The following COL4A4 variants were observed in gnomAD, a reference collection of about 807,000 sequenced individuals.
The protein encoded by COL4A4 is collagen alpha-4(IV) chain.
Under a neutral mutation model 192.9 loss-of-function variants are expected in COL4A4, and 105 were observed. The observed-to-expected ratio is 0.54, with a 90% CI of 0.46 to 0.64. COL4A4 has a LOEUF of 0.64. Among genes scored for constraint, COL4A4 ranks in the 30% least tolerant of loss-of-function variants. The pLI is 0.00. For missense variants in COL4A4, 1,967 were observed against 2,169.3 expected, an observed-to-expected ratio of 0.91 and a Z score of 1.85; for synonymous variants, 762 against 769.9, an observed-to-expected ratio of 0.99 and a Z score of 0.17.
intron 7 of COL4A4, among the ~76,000 whole-genome samples, chr2:227,116,690 T>G (rs1402397881): frequency 6.6e-6 from 1 of 152,202 alleles, no homozygotes; most frequent in Non-Finnish European, 1.5e-5. Context: ...TTTGAGAGAC[T>G]ATTTGCAGCC....
chr2:227,062,957 A>G (rs538941199), intron 25 of COL4A4, among the ~76,000 whole-genome samples: 10 of 152,270 alleles, frequency 6.6e-5, no homozygotes, highest in Non-Finnish European at 8.8e-5. Context: ...GATCTATTAC[A>G]TGCATATCTA....
chr2:227,147,657 A>C, intron 1 of COL4A4, 73 bp from the exon 2 acceptor site: 1 of 596,842 alleles, frequency 1.7e-6, no homozygotes, highest in Non-Finnish European at 3.0e-6. Flanking sequence ...TTCATTTTTT[A>C]TCGTTATGGA....
At chr2:227,144,276 CTT>C (rs2063402791) in intron 3 of COL4A4, among the ~76,000 whole-genome samples, 1 of 152,122 alleles carries the variant, frequency 6.6e-6, no homozygotes, top group Admixed American at 6.5e-5. Flanking sequence ...CAAAAAAAAA[CTT>C]TTAAAGAAAG....
chr2:227,043,125 G>A lies in COL4A4; in HGVS notation c.3349C>T (p.Pro1117Ser), dbSNP rs1971792084. Residue 1117 changes from proline (P) to serine (S), a missense_variant, in exon 36 of 48, where the codon CCT becomes TCT. Physicochemically the swap from Pro to Ser is moderately conservative, Grantham distance 74. Coordinates refer to ENST00000396625, the MANE Select transcript of COL4A4 (RefSeq NM_000092.5). ...LPGIQGPRGSPGRPGPPGSSG... is the reference protein window; with the variant it reads ...LPGIQGPRGSSGRPGPPGSSG... Reference sequence around the variant, plus strand: ...GAGCCAGGTGGCCCTGGCCTTCCAGGTGATCCTCTGGGCCCTTGAATACCA... The same window carrying A: ...GAGCCAGGTGGCCCTGGCCTTCCAGATGATCCTCTGGGCCCTTGAATACCA... 6.2e-7 allele frequency: 1 copy of A among 1,613,946 alleles called. No homozygotes were observed. The highest frequency in any genetic ancestry group is 8.5e-7 in the Non-Finnish European group (1 of 1,180,030).
chr2:227,133,820 GGC>G (rs2062636838), intron 4 of COL4A4, among the ~76,000 whole-genome samples: 1 of 151,844 alleles, frequency 6.6e-6, no homozygotes, highest in African/African-American at 2.4e-5. Flanking sequence ...GAACCCAGGA[GGC>G]AGAGGTTGCA....
chr2:227,010,574 T>C (rs763834053), intron 45 of COL4A4, 73 bp from the exon 46 acceptor site: 28 of 1,287,486 alleles, frequency 2.2e-5, no homozygotes, highest in Non-Finnish European at 2.9e-5. Context: ...AGCACCTCTG[T>C]TCTGGCACTG....
intron 24 of COL4A4, among the ~76,000 whole-genome samples, chr2:227,080,226 A>G (rs370007355): frequency 6.6e-6 from 1 of 152,220 alleles, no homozygotes; most frequent in African/African-American, 2.4e-5. Context: ...AAGTCCTGCT[A>G]GGACTGAACT....
chr2:227,146,155 A>T (rs546528001), intron 2 of COL4A4, among the ~76,000 whole-genome samples: 3 of 152,372 alleles, frequency 2.0e-5, no homozygotes, highest in African/African-American at 7.2e-5. Flanking sequence ...AATATGCTCC[A>T]AAGAGTGCAG....
intron 31 of COL4A4, among the ~76,000 whole-genome samples, chr2:227,053,779 C>G (rs945019644): frequency 2.6e-5 from 4 of 152,048 alleles, no homozygotes; most frequent in African/African-American, 9.7e-5. Flanking sequence ...ATCTCCTGAC[C>G]TCATGATCTG....
intron 44 of COL4A4, 151 bp from the exon 45 acceptor site, chr2:227,012,448 A>G: frequency 4.2e-6 from 3 of 707,160 alleles, no homozygotes; most frequent in East Asian, 5.4e-5. Flanking sequence ...TTGCAATGAC[A>G]TGAAGTTGGG....
downstream of COL4A4, among the ~76,000 whole-genome samples, chr2:227,000,607 G>A (rs139116467): frequency 8.9e-4 from 136 of 152,252 alleles, no homozygotes; most frequent in African/African-American, 3.1e-3. Flanking sequence ...GACTAAGTTG[G>A]CTGGTGCTGC....
At chr2:227,093,005 G>T (rs566549149) in intron 20 of COL4A4, among the ~76,000 whole-genome samples, 96 of 152,278 alleles carry the variant, frequency 6.3e-4, no homozygotes, top group African/African-American at 2.2e-3. Context: ...GGAAGGATTA[G>T]GAGAAGGAGT....
At chr2:227,097,652 C>G (rs540792738) in intron 19 of COL4A4, among the ~76,000 whole-genome samples, 1 of 152,288 alleles carries the variant, frequency 6.6e-6, no homozygotes, top group Admixed American at 6.5e-5. Flanking sequence ...CCAGTGCTTT[C>G]TGACCAACGG....
chr2:227,061,287 A>G (rs1412373756), intron 26 of COL4A4, among the ~76,000 whole-genome samples: 1 of 152,218 alleles, frequency 6.6e-6, no homozygotes, highest in Non-Finnish European at 1.5e-5. Context: ...CACTCTTGCC[A>G]TTGCCTTGTG....
chr2:227,125,540 A>AT (rs2062036291), intron 4 of COL4A4, among the ~76,000 whole-genome samples: 1 of 151,744 alleles, frequency 6.6e-6, no homozygotes, highest in Non-Finnish European at 1.5e-5. Flanking sequence ...AAAAAAAAAA[A>AT]GTAAAGCAGG....
intron 7 of COL4A4, among the ~76,000 whole-genome samples, chr2:227,116,553 A>G (rs2124962779): frequency 6.6e-6 from 1 of 152,352 alleles, no homozygotes; most frequent in East Asian, 1.9e-4. Context: ...GGAAGAGGAA[A>G]TCGGCCAATA....
Position 227,007,243 on chromosome 2 carries a change from A to G in COL4A4, c.*82T>C, listed in dbSNP as rs1962332290. 3 of 1,588,354 alleles carry G rather than the reference A, an allele frequency of 1.9e-6. No individual in the cohort carries two copies. The highest frequency in any genetic ancestry group is 1.7e-5 in the Admixed American group (1 of 59,968). ...TGAAAGGGAGTCCAAAATGAGCACC[A>G]TGACATCTCTTAGCACAGTCTAGGA... On this transcript the variant is annotated 3_prime_UTR_variant, in exon 48 of 48. Coordinates refer to ENST00000396625, the MANE Select transcript of COL4A4 (RefSeq NM_000092.5).
At chr2:227,105,591 A>G (rs1430978403) in intron 12 of COL4A4, among the ~76,000 whole-genome samples, 1 of 152,194 alleles carries the variant, frequency 6.6e-6, no homozygotes, top group Non-Finnish European at 1.5e-5. Flanking sequence ...GCCATGATAG[A>G]TGTTTTTCTA....
At chr2:227,074,933 A>T (rs969796251) in intron 25 of COL4A4, among the ~76,000 whole-genome samples, 1 of 152,110 alleles carries the variant, frequency 6.6e-6, no homozygotes, top group African/African-American at 2.4e-5. Context: ...AACCAGGAAG[A>T]ATTCAAATCT....
Sources: allele counts gnomAD v4.1 joint callset (sites outside exome capture counted in the v4.1 genomes callset), GRCh38; gene constraint gnomAD v4.1.1; transcripts MANE v1.5; gene names NCBI Gene and HGNC (gene_info 2026-07-23, HGNC 2026-07-21).